The following PKHD1L1 variants were observed in gnomAD, a reference collection of about 807,000 sequenced individuals.
PKHD1L1 encodes PKHD1 like 1.
Under a neutral mutation model 462.9 loss-of-function variants are expected in PKHD1L1, and 434 were observed. The observed-to-expected ratio is 0.94, with a 90% CI of 0.87 to 1.02. PKHD1L1 has a LOEUF of 1.02. Among genes scored for constraint, PKHD1L1 ranks in the 50% least tolerant of loss-of-function variants. PKHD1L1 has a pLI of 0.00. For synonymous variants in PKHD1L1, 1,781 were observed against 1,750.0 expected, an observed-to-expected ratio of 1.02 and a Z score of -0.44; for missense variants, 5,202 against 5,096.1, an observed-to-expected ratio of 1.02 and a Z score of -0.63.
intron 2 of PKHD1L1, among the ~76,000 whole-genome samples, chr8:109,366,533 A>G (rs981977419): frequency 4.6e-5 from 7 of 152,180 alleles, no homozygotes; most frequent in African/African-American, 1.7e-4. Context: ...ACTGTACAGC[A>G]TAGAGCATAT....
At chr8:109,387,413 C>G (rs1812495865) in intron 6 of PKHD1L1, among the ~76,000 whole-genome samples, 1 of 152,196 alleles carries the variant, frequency 6.6e-6, no homozygotes, top group South Asian at 2.1e-4. Context: ...ATACTGACTG[C>G]AGCCAAATTG....
chr8:109,526,825 G>A lies in PKHD1L1; in HGVS notation c.12526G>A (p.Gly4176Arg). ...TGAATTTATACTGGATAATGTTGTT[G>A]GGGTAGAATCCAGAACTTTCAGCCT... The part of the protein sequence containing the change: ...KIEFILDNVV[G>R]VESRTFSLLA... The change falls in exon 77 of 78, where the codon GGG (glycine) becomes AGG (arginine). Residue 4176 changes from glycine (G) to arginine (R), a missense_variant. Around this residue, in one of 3 missense-constraint regions of PKHD1L1, gnomAD observed 698 missense variants for 736.3 expected, o/e 0.95. Transcript: ENST00000378402. 3 of 1,569,996 alleles carry A rather than the reference G, an allele frequency of 1.9e-6. No individual in the cohort carries two copies. Among genetic ancestry groups the A allele is most frequent in the Non-Finnish European group, 2.6e-6 (3 of 1,156,686 alleles).
chr8:109,400,426 A>G, intron 13 of PKHD1L1, 82 bp downstream of exon 13: 2 of 1,420,424 alleles, frequency 1.4e-6, no homozygotes, highest in Non-Finnish European at 1.9e-6. Flanking sequence ...AATCAAAACG[A>G]ATGAACATTT....
intron 2 of PKHD1L1, among the ~76,000 whole-genome samples, chr8:109,375,120 A>C (rs931389267): frequency 2.0e-5 from 3 of 151,372 alleles, no homozygotes; most frequent in African/African-American, 4.9e-5. Context: ...CCATTCTCCC[A>C]GTCACTTTCA....
rs1205903036 is a variant in PKHD1L1, at chr8:109,384,114, A to T, written c.462A>T (p.Leu154Phe). The T allele has an allele frequency of 1.2e-6, 2 of 1,610,760 alleles. No homozygotes were observed. The highest frequency in any genetic ancestry group is 3.3e-5 in the Admixed American group (2 of 59,932). Residue 154 changes from leucine (L) to phenylalanine (F), a missense_variant, in exon 5 of 78, where the codon TTA becomes TTT. Leu to Phe is a conservative substitution (Grantham distance 22). Transcript: ENST00000378402. ...CAACAATAAGAAGCATCACACCTTT[A>T]TCTGGAACTCCAGGTCTGTTATATG... is the stretch of plus-strand genomic sequence containing the variant. ...RTPTIRSITPLSGTPGTLITI... is the reference protein window; with the variant it reads ...RTPTIRSITPFSGTPGTLITI...
In PKHD1L1 at chr8:109,530,278, CTTTATA is replaced by C. The variant is rs997624646; in HGVS notation, c.*196_*201del. ...TTCAAAATATAAATTTGTTTTGATT[CTTTATA>C]TTTATATGTTTTTATTTCATTTCAA... On this transcript the variant is annotated 3_prime_UTR_variant, in exon 78 of 78. Transcript: ENST00000378402. 2.5e-5 allele frequency: 8 copies of C among 318,516 alleles called. No individual in the cohort carries two copies. Among genetic ancestry groups the C allele is most frequent in the Non-Finnish European group, 4.0e-5 (7 of 175,340 alleles). 19.7% of individuals were successfully genotyped at this position (318,516 alleles called of 1,614,324 possible). A position where few individuals can be genotyped will look rare whatever the true frequency, so the allele number is the denominator to read the frequency against.
At chr8:109,429,765 A>C (rs563283586) in intron 26 of PKHD1L1, among the ~76,000 whole-genome samples, 167 bp from the exon 27 acceptor site, 1 of 152,310 alleles carries the variant, frequency 6.6e-6, no homozygotes, top group South Asian at 2.1e-4. Context: ...AGATTAGGTG[A>C]CTTTCCCAAG....
rs1260393655 is a variant in PKHD1L1, at chr8:109,518,184, C to A, written c.11707C>A (p.Leu3903Met). 2 of 1,591,474 alleles carry A rather than the reference C, an allele frequency of 1.3e-6. No individual in the cohort carries two copies. Among genetic ancestry groups the A allele is most frequent in the East Asian group, 4.5e-5 (2 of 44,496 alleles). The change falls in exon 73 of 78, where the codon CTG (leucine) becomes ATG (methionine). Residue 3903 changes from leucine to methionine, a missense_variant. This residue lies in a region of PKHD1L1 where 698 missense variants were observed against 736.3 expected (regional missense o/e 0.95). Coordinates refer to ENST00000378402, the MANE Select transcript of PKHD1L1 (RefSeq NM_177531.6). ...CTTCATAGACCAATTCCTTCCTAAC[C>A]TGGATTCCACTGTCCTTGGTGAAAA... Reference protein sequence around the residue: ...HLYKDQFLPNLDSTVLGENYF... With the variant: ...HLYKDQFLPNMDSTVLGENYF...
intron 55 of PKHD1L1, 21 bp from the exon 56 acceptor site, chr8:109,481,412 C>G (rs1234374473): frequency 1.3e-6 from 2 of 1,551,900 alleles, no homozygotes; most frequent in South Asian, 2.5e-5. Flanking sequence ...TAAGTATTAA[C>G]AATTTTCTGC....
chr8:109,408,082 A>G lies in PKHD1L1; in HGVS notation c.1847A>G (p.Glu616Gly). The stretch of plus-strand genomic sequence containing the variant: ...GATCTGCTTGGTTATGAAGTAGTTG[A>G]AGGGAATAATGTCACACTGGATATT... ...DFDLLGYEVV[E>G]GNNVTLDITE... is the part of the protein sequence containing the mutation. The change falls in exon 18 of 78, where the codon GAA becomes GGA. Residue 616 changes from glutamate to glycine, a missense_variant. Glu to Gly is a moderately conservative substitution (Grantham distance 98). Transcript: ENST00000378402. 6.2e-7 allele frequency: 1 copy of G among 1,610,750 alleles called. No homozygotes were observed. Among genetic ancestry groups the G allele is most frequent in the Non-Finnish European group, 8.5e-7 (1 of 1,178,036 alleles).
chr8:109,408,885 G>A (rs571682130), intron 18 of PKHD1L1, among the ~76,000 whole-genome samples: 4 of 152,260 alleles, frequency 2.6e-5, no homozygotes, highest in South Asian at 2.1e-4. Flanking sequence ...GAGCCTACCC[G>A]TAGTGAGGAG....
In PKHD1L1 at chr8:109,532,535, T is replaced by C. The variant is rs1209549326; in HGVS notation, c.*2445T>C. 1.3e-5 allele frequency among the ~76,000 whole-genome samples: 2 copies of C among 152,228 alleles called. No individual in the cohort carries two copies. Among genetic ancestry groups the C allele is most frequent in the Non-Finnish European group, 2.9e-5 (2 of 68,030 alleles). ...AAATTCTTAAAAATAATTTGTATTG[T>C]AAGAAGTGGCTATCTAGCTCTTGAA... On this transcript the variant is annotated 3_prime_UTR_variant, in exon 78 of 78. Coordinates refer to ENST00000378402, the MANE Select transcript of PKHD1L1 (RefSeq NM_177531.6).
chr8:109,485,349 C>G (rs1361850158), intron 58 of PKHD1L1, among the ~76,000 whole-genome samples, 176 bp downstream of exon 58: 1 of 151,800 alleles, frequency 6.6e-6, no homozygotes, highest in Non-Finnish European at 1.5e-5. Context: ...ACCGATAGTC[C>G]CCGCTATGTG....
At position 109,459,726 on chromosome 8, in the gene PKHD1L1, T is replaced by G; in HGVS notation, c.7136T>G (p.Phe2379Cys). Residue 2379 changes from phenylalanine (F) to cysteine (C), a missense_variant, in exon 47 of 78, where the codon TTT (phenylalanine) becomes TGT (cysteine). This residue lies in a region of PKHD1L1 where 4,497 missense variants were observed against 4,336.8 expected (regional missense o/e 1.04). Coordinates refer to ENST00000378402, the MANE Select transcript of PKHD1L1 (RefSeq NM_177531.6). ...ITVTLPDGTL[F>C]EARAEVGILT... is the part of the protein sequence containing the mutation. ...GTCACACTCCCTGATGGAACTCTGT[T>G]TGAAGCAAGAGCAGAAGTTGGAATT... 4 of 1,612,180 alleles carry G rather than the reference T, an allele frequency of 2.5e-6. No individual in the cohort carries two copies. Among genetic ancestry groups the G allele is most frequent in the Non-Finnish European group, 3.4e-6 (4 of 1,178,934 alleles).
chr8:109,408,293 A>T (rs571818530), intron 18 of PKHD1L1, 87 bp downstream of exon 18: 1 of 1,230,860 alleles, frequency 8.1e-7, no homozygotes, highest in African/African-American at 1.5e-5. Context: ...TGGGAAAGAG[A>T]TGTTACTTCA....
chr8:109,528,742 A>G (rs1820938372), intron 77 of PKHD1L1, among the ~76,000 whole-genome samples: 1 of 152,228 alleles, frequency 6.6e-6, no homozygotes, highest in African/African-American at 2.4e-5. Flanking sequence ...TTATATTCAA[A>G]TCTATCTTCA....
chr8:109,396,970 C>T (rs1191294022), intron 11 of PKHD1L1, among the ~76,000 whole-genome samples: 1 of 152,136 alleles, frequency 6.6e-6, no homozygotes, highest in African/African-American at 2.4e-5. Context: ...AGTCTTCTTT[C>T]GTGTCTGCAT....
In PKHD1L1 at chr8:109,536,760, T is replaced by G. The variant is rs1821152989; in HGVS notation, c.*6670T>G. ...TTAACTCTAAATTGTTACTAAATTTTGAATCTTCCTGTATTTAGCAATAAA... is the reference window on the plus strand; with the variant it reads ...TTAACTCTAAATTGTTACTAAATTTGGAATCTTCCTGTATTTAGCAATAAA... On this transcript the variant is annotated 3_prime_UTR_variant, in exon 78 of 78. Transcript: ENST00000378402. Among the ~76,000 whole-genome samples the G allele has an allele frequency of 6.6e-6, 1 of 152,214 alleles. No individual in the cohort carries two copies.
Position 109,419,225 on chromosome 8 carries a change from A to G in PKHD1L1, c.2489A>G (p.Tyr830Cys). 1 of 1,610,756 alleles carries G rather than the reference A, an allele frequency of 6.2e-7. No homozygotes were observed. Among genetic ancestry groups the G allele is most frequent in the East Asian group, 2.2e-5 (1 of 44,798 alleles). The part of the protein sequence containing the change: ...ESQSFYVDVV[Y>C]IGHTSTISTL... ...CAGTCCTTCTATGTGGATGTAGTGT[A>G]CATTGGACACACATCTACAATCTCA... Residue 830 changes from tyrosine to cysteine, a missense_variant, in exon 22 of 78, where the codon TAC becomes TGC. Tyr to Cys is a radical substitution (Grantham distance 194). This residue lies in a region of PKHD1L1 where 4,497 missense variants were observed against 4,336.8 expected (regional missense o/e 1.04). Transcript: ENST00000378402.
Sources: allele counts gnomAD v4.1 joint callset (sites outside exome capture counted in the v4.1 genomes callset), GRCh38; gene constraint gnomAD v4.1.1; regional missense constraint gnomAD v4.1.1; transcripts MANE v1.5; gene names NCBI Gene and HGNC (gene_info 2026-07-23, HGNC 2026-07-21).